Variants in CDK13 observed in about 807,000 individuals in gnomAD.
CDK13 encodes the protein cyclin dependent kinase 13.
In CDK13, 40 loss-of-function variants were observed where a neutral mutation model predicts 137.6. The ratio of observed to expected loss-of-function variants is 0.29; its 90% CI spans 0.23 to 0.38. The LOEUF is 0.38. CDK13 is among the 10% of genes least tolerant of loss of function. The probability of loss-of-function intolerance (pLI) is 1.00; values close to 1 mark genes in which losing one functional copy is unlikely to be tolerated. For missense variants in CDK13, 1,704 were observed against 1,951.8 expected, an observed-to-expected ratio of 0.87 and a Z score of 2.39; for synonymous variants, 869 against 760.1, an observed-to-expected ratio of 1.14 and a Z score of -2.36.
rs1477064508 is a variant in CDK13, at chr7:40,098,977, G to C, written c.*3997G>C. The C allele has an allele frequency of 6.6e-6, 1 of 151,862 alleles. No individual in the cohort carries two copies. The highest frequency in any genetic ancestry group is 1.5e-5 in the Non-Finnish European group (1 of 67,948). The allele number at this position is 151,862 out of a possible 1,614,324, so 9.4% of individuals were successfully genotyped here. A position where few individuals can be genotyped will look rare whatever the true frequency, so the allele number is the denominator to read the frequency against. On this transcript the variant is annotated 3_prime_UTR_variant, in exon 14 of 14. Coordinates refer to ENST00000181839, the MANE Select transcript of CDK13 (RefSeq NM_003718.5). Reference sequence around the variant, plus strand: ...TGTATGTATTTTTCATTTGTTGAAAGAAGATTGGTTATCAGTAGGCTTGCA... The same window carrying C: ...TGTATGTATTTTTCATTTGTTGAAACAAGATTGGTTATCAGTAGGCTTGCA...
chr7:40,060,609 A>T (rs1341430970), intron 7 of CDK13, among the ~76,000 whole-genome samples: 2 of 152,198 alleles, frequency 1.3e-5, no homozygotes, highest in Admixed American at 6.5e-5. Context: ...TTTCTGGGAA[A>T]ATACAAAATA....
intron 4 of CDK13, among the ~76,000 whole-genome samples, chr7:40,001,475 A>C (rs1784683805): frequency 6.6e-6 from 1 of 152,154 alleles, no homozygotes; most frequent in Non-Finnish European, 1.5e-5. Context: ...TCAGCCTCCC[A>C]AAGTGCTGGG....
intron 12 of CDK13, among the ~76,000 whole-genome samples, chr7:40,090,354 C>CT (rs1027484914): frequency 1.3e-5 from 2 of 151,952 alleles, no homozygotes; most frequent in Non-Finnish European, 2.9e-5. Flanking sequence ...TTTTATTTTC[C>CT]TTTTTTAACT....
In CDK13 at chr7:40,078,438, T is replaced by TA. The variant is rs1321569357; in HGVS notation, c.2898-282_2898-281insA. 9 of 278,678 alleles carry TA rather than the reference T, an allele frequency of 3.2e-5. No homozygotes were observed. The Admixed American group carries it at 4.0e-4, about 12-fold the overall frequency. The allele number at this position is 278,678 out of a possible 1,614,324, so 17.3% of individuals were successfully genotyped here. A position where few individuals can be genotyped will look rare whatever the true frequency, so the allele number is the denominator to read the frequency against. ...CTTTAGAAAAAACTATACTGTTCAG[T>TA]TCTTAATTTGTATAATAACAGCAAA... On this transcript the variant is annotated intron_variant, in intron 10 of 13. Coordinates refer to ENST00000181839, the MANE Select transcript of CDK13 (RefSeq NM_003718.5).
chr7:40,076,024 C>T (rs1786537286), intron 9 of CDK13, among the ~76,000 whole-genome samples: 1 of 152,142 alleles, frequency 6.6e-6, no homozygotes, highest in South Asian at 2.1e-4. Flanking sequence ...ATTCCATTTC[C>T]CACCTGTCTA....
chr7:40,011,952 G>A (rs1468117669), intron 5 of CDK13, among the ~76,000 whole-genome samples: 1 of 152,108 alleles, frequency 6.6e-6, no homozygotes, highest in Non-Finnish European at 1.5e-5. Context: ...AAGACAACGT[G>A]ATTAAAAAGT....
At chr7:39,969,970 G>A (rs1033996617) in intron 1 of CDK13, among the ~76,000 whole-genome samples, 14 of 148,508 alleles carry the variant, frequency 9.4e-5, no homozygotes, top group Non-Finnish European at 1.6e-4. Context: ...AAGAGCAAAC[G>A]TTTTAAATTT....
intron 5 of CDK13, among the ~76,000 whole-genome samples, chr7:40,010,299 A>T (rs1433852477): frequency 6.6e-6 from 1 of 152,030 alleles, no homozygotes; most frequent in Non-Finnish European, 1.5e-5. Context: ...TTCATACTAG[A>T]GTTTGTGCTC....
chr7:40,031,991 C>G (rs1584015665), intron 5 of CDK13, among the ~76,000 whole-genome samples: 1 of 151,816 alleles, frequency 6.6e-6, no homozygotes, highest in African/African-American at 2.4e-5. Flanking sequence ...CTAGTGGATA[C>G]CAATCTCCCA....
At chr7:40,056,447 T>C (rs1441195188) in intron 7 of CDK13, among the ~76,000 whole-genome samples, 1 of 152,166 alleles carries the variant, frequency 6.6e-6, no homozygotes, top group Non-Finnish European at 1.5e-5. Flanking sequence ...CTCTGGAAAA[T>C]GAACATTTGC....
At chr7:39,954,681 T>A (rs1324914511) in intron 1 of CDK13, among the ~76,000 whole-genome samples, 1 of 152,246 alleles carries the variant, frequency 6.6e-6, no homozygotes, top group Non-Finnish European at 1.5e-5. Flanking sequence ...CCCCAGCCTA[T>A]GCAGAACTTA....
chr7:39,966,716 G>A (rs535292820), intron 1 of CDK13, among the ~76,000 whole-genome samples: 3 of 152,026 alleles, frequency 2.0e-5, no homozygotes, highest in South Asian at 2.1e-4. Flanking sequence ...CAGTTTTTCC[G>A]CTCTGTTTTT....
intron 5 of CDK13, 73 bp from the exon 6 acceptor site, chr7:40,045,763 T>C (rs1006365398): frequency 1.0e-6 from 1 of 982,878 alleles, no homozygotes; most frequent in Non-Finnish European, 1.6e-6. Flanking sequence ...CAGCCTTTTA[T>C]TGTTAAAAAT....
intron 5 of CDK13, among the ~76,000 whole-genome samples, chr7:40,011,236 C>A (rs905785767): frequency 6.6e-6 from 1 of 152,174 alleles, no homozygotes; most frequent in Non-Finnish European, 1.5e-5. Flanking sequence ...TTTAAATCTT[C>A]CTACAGGCTG....
chr7:40,005,019 C>A (rs966381196), intron 5 of CDK13, among the ~76,000 whole-genome samples: 1 of 151,848 alleles, frequency 6.6e-6, no homozygotes, highest in African/African-American at 2.4e-5. Context: ...ACTAAAAATA[C>A]AAAAATTAGC....
chr7:40,067,972 G>C (rs1000915036), intron 9 of CDK13: 2 of 151,966 alleles, frequency 1.3e-5, no homozygotes, highest in African/African-American at 4.8e-5. Flanking sequence ...GTAGGCGCCT[G>C]TAGTCCCAGC....
intron 5 of CDK13, among the ~76,000 whole-genome samples, chr7:40,045,599 TTA>T (rs1491007759): frequency 2.0e-5 from 3 of 151,572 alleles, no homozygotes; most frequent in Non-Finnish European, 1.5e-5. Context: ...TTTTTTTTTT[TTA>T]AAATCATAAC....
intron 7 of CDK13, chr7:40,061,563 C>T (rs1220532591): frequency 2.0e-5 from 3 of 152,170 alleles, no homozygotes; most frequent in Non-Finnish European, 4.4e-5. Context: ...CAGGACCAAG[C>T]CAAGCTTAGG....
Position 40,043,455 on chromosome 7 carries a change from CAAGTT to C in CDK13, c.2354-2376_2354-2372del, listed in dbSNP as rs1304062163. On this transcript the variant is annotated intron_variant, in intron 5 of 13. Coordinates refer to ENST00000181839, the MANE Select transcript of CDK13 (RefSeq NM_003718.5). ...AAGGATAATTTTAGAATTATTTTGTCAAGTTAAGTCTCCTCGCTCCTGGTGACAAA... is the reference window on the plus strand; with the variant it reads ...AAGGATAATTTTAGAATTATTTTGTCAAGTCTCCTCGCTCCTGGTGACAAA... 2.0e-5 allele frequency among the ~76,000 whole-genome samples: 3 copies of C among 152,108 alleles called. No homozygotes were observed. In the South Asian group the frequency reaches 6.2e-4, roughly 32 times the overall value.
Sources: gnomAD v4.1 joint callset for allele counts (sites outside exome capture counted in the v4.1 genomes callset) on GRCh38, gnomAD v4.1.1 for gene constraint, MANE v1.5 for transcripts, NCBI Gene and HGNC (gene_info 2026-07-23, HGNC 2026-07-21) for gene names.